CTNNA3: variants seen among roughly 807,000 people sequenced by gnomAD.
CTNNA3 encodes catenin alpha-3.
Under a neutral mutation model 95.7 loss-of-function variants are expected in CTNNA3, and 76 were observed. The observed-to-expected ratio is 0.79, with a 90% confidence interval of 0.66 to 0.96. The LOEUF is 0.96. CTNNA3 is among the 40% of genes least tolerant of loss of function. CTNNA3 has a pLI of 0.00. For missense variants in CTNNA3, 1,191 were observed against 1,089.8 expected (o/e 1.09, Z -1.31); for synonymous variants, 431 against 374.4 (o/e 1.15, Z -1.74).
intron 7 of CTNNA3, among the ~76,000 whole-genome samples, chr10:67,133,323 A>ATATATATATATATATATATATT (rs1860119379): frequency 1.1e-5 from 1 of 87,774 alleles, no homozygotes; most frequent in Non-Finnish European, 2.1e-5. Flanking sequence ...ATATATATAT[A>ATATATATATATATATATATATT]TTTATACACA....
chr10:67,686,593 A>G (rs1840736491), intron 1 of CTNNA3, among the ~76,000 whole-genome samples: 1 of 152,126 alleles, frequency 6.6e-6, no homozygotes, highest in Non-Finnish European at 1.5e-5. Flanking sequence ...TATGCCATTT[A>G]CATTGTGAGT....
At chr10:66,247,042 C>T (rs1175838759) in intron 13 of CTNNA3, among the ~76,000 whole-genome samples, 1 of 61,860 alleles carries the variant, frequency 1.6e-5, no homozygotes, top group East Asian at 4.2e-4. Context: ...CAGCAAGACT[C>T]CATCTCAAAA....
rs903618924 is a variant in CTNNA3 at position 65,918,170 on chromosome 10, T to C, written c.*2160A>G. 5.5e-4 allele frequency: 84 copies of C among 152,296 alleles called. No individual in the cohort carries two copies. The highest frequency in any genetic ancestry group is 1.9e-3 in the African/African-American group (81 of 41,560). The allele number at this position is 152,296 out of a possible 1,614,324, so 9.4% of individuals were successfully genotyped here. A position where few individuals can be genotyped will look rare whatever the true frequency, so the allele number is the denominator to read the frequency against. Reference sequence around the variant, plus strand: ...TGGAGGTTATTTGGTAATTGTATAATTTCAAGTTATTTCTGTTCTTTTGGT... The same window carrying C: ...TGGAGGTTATTTGGTAATTGTATAACTTCAAGTTATTTCTGTTCTTTTGGT... On this transcript the variant is annotated 3_prime_UTR_variant, in exon 18 of 18. Transcript: ENST00000433211.
intron 5 of CTNNA3, among the ~76,000 whole-genome samples, chr10:67,257,030 T>G (rs894966146): frequency 2.7e-4 from 41 of 152,222 alleles, no homozygotes; most frequent in African/African-American, 9.9e-4. Flanking sequence ...TGCTTACTCA[T>G]AATTCAAACA....
intron 1 of CTNNA3, among the ~76,000 whole-genome samples, chr10:67,681,318 A>C (rs942609249): frequency 8.5e-5 from 13 of 152,184 alleles, no homozygotes; most frequent in Non-Finnish European, 1.5e-4. Flanking sequence ...GGATTGGAAA[A>C]AATAGGAACA....
At chr10:66,122,869 A>G (rs1387673920) in intron 13 of CTNNA3, among the ~76,000 whole-genome samples, 1 of 152,166 alleles carries the variant, frequency 6.6e-6, no homozygotes, top group East Asian at 1.9e-4. Context: ...CTATCATGAG[A>G]ACAGTGCAGG....
chr10:65,950,585 C>A (rs1304725491), intron 17 of CTNNA3, among the ~76,000 whole-genome samples: 1 of 152,152 alleles, frequency 6.6e-6, no homozygotes. Context: ...CCTCTCATTT[C>A]ATCTCTGGCT....
intron 5 of CTNNA3, among the ~76,000 whole-genome samples, chr10:67,321,742 T>G (rs1317028438): frequency 6.6e-6 from 1 of 152,142 alleles, no homozygotes; most frequent in Non-Finnish European, 1.5e-5. Context: ...CCTCTTAAAT[T>G]CAAACTCACA....
intron 11 of CTNNA3, among the ~76,000 whole-genome samples, chr10:66,451,135 T>A (rs1211529927): frequency 6.6e-6 from 1 of 152,168 alleles, no homozygotes; most frequent in South Asian, 2.1e-4. Context: ...ATTGCCTTCG[T>A]GTGATAGTCT....
At chr10:65,961,919 C>T (rs771360378) in intron 17 of CTNNA3, among the ~76,000 whole-genome samples, 4 of 151,900 alleles carry the variant, frequency 2.6e-5, no homozygotes, top group African/African-American at 4.8e-5. Flanking sequence ...TAACGAGAGC[C>T]GGAAGCCAAG....
intron 12 of CTNNA3, among the ~76,000 whole-genome samples, chr10:66,327,021 T>C (rs972468308): frequency 1.2e-4 from 18 of 152,068 alleles, no homozygotes; most frequent in Non-Finnish European, 2.4e-4. Flanking sequence ...AAAATACAAC[T>C]GCATGCTCAC....
At chr10:66,722,361 G>A (rs1422525965) in intron 9 of CTNNA3, among the ~76,000 whole-genome samples, 2 of 142,186 alleles carry the variant, frequency 1.4e-5, no homozygotes, top group Non-Finnish European at 3.1e-5. Flanking sequence ...CTGGACGACA[G>A]AGCGAGACCC....
rs559891124 is a variant in CTNNA3 at position 66,890,400 on chromosome 10, AAGG to A, written c.1048-114879_1048-114877del. Among the ~76,000 whole-genome samples, 1,051 of 152,084 alleles carry A rather than the reference AAGG, an allele frequency of 6.9e-3. 4 individuals carry two copies. Among genetic ancestry groups the A allele is most frequent in the Non-Finnish European group, 0.012 (795 of 67,948 alleles). On this transcript the variant is annotated intron_variant, in intron 7 of 17. Coordinates refer to ENST00000433211, the MANE Select transcript of CTNNA3 (RefSeq NM_013266.4). The stretch of plus-strand genomic sequence containing the variant: ...CAAAAAAAAAAAAATAGTAGCAAAG[AAGG>A]AGGAGAACATGAAAACATTTCTTTT...
chr10:67,030,701 A>C (rs1461907391), intron 7 of CTNNA3, among the ~76,000 whole-genome samples: 1 of 152,124 alleles, frequency 6.6e-6, no homozygotes, highest in Non-Finnish European at 1.5e-5. Flanking sequence ...AGATAATTTA[A>C]TCCAGAATAT....
At chr10:67,302,936 G>C (rs541785841) in intron 5 of CTNNA3, among the ~76,000 whole-genome samples, 1 of 152,142 alleles carries the variant, frequency 6.6e-6, no homozygotes, top group African/African-American at 2.4e-5. Flanking sequence ...GAAAACATAG[G>C]CTCTTTAAAT....
intron 5 of CTNNA3, among the ~76,000 whole-genome samples, chr10:67,323,120 C>T (rs1235632346): frequency 1.3e-5 from 2 of 151,994 alleles, no homozygotes; most frequent in Non-Finnish European, 2.9e-5. Context: ...GATGTTAGAC[C>T]TTTGACAGAT....
intron 9 of CTNNA3, among the ~76,000 whole-genome samples, chr10:66,628,600 A>G (rs1306846698): frequency 6.6e-6 from 1 of 152,136 alleles, no homozygotes; most frequent in Admixed American, 6.6e-5. Context: ...TTTAACTTGT[A>G]TTGGCAAAGG....
At chr10:66,809,686 A>G (rs1252318906) in intron 7 of CTNNA3, among the ~76,000 whole-genome samples, 1 of 152,224 alleles carries the variant, frequency 6.6e-6, no homozygotes, top group Admixed American at 6.5e-5. Context: ...TTAAAGGATC[A>G]ATCTTCAGTA....
At chr10:67,581,070 C>T (rs771229300) in intron 3 of CTNNA3, among the ~76,000 whole-genome samples, 8 of 152,110 alleles carry the variant, frequency 5.3e-5, no homozygotes, top group Non-Finnish European at 7.4e-5. Flanking sequence ...TGCCTGATTG[C>T]CCTGGCCAGA....
Sources: allele counts gnomAD v4.1 joint callset (sites outside exome capture counted in the v4.1 genomes callset), GRCh38; gene constraint gnomAD v4.1.1; transcripts MANE v1.5; gene names NCBI Gene and HGNC (gene_info 2026-07-23, HGNC 2026-07-21).